Variants in ZDHHC2 observed in about 807,000 individuals in gnomAD.
ZDHHC2 encodes zDHHC palmitoyltransferase 2, also known as palmitoyltransferase ZDHHC2.
In ZDHHC2, 51 loss-of-function variants were observed where a neutral mutation model predicts 55.6. That is an observed-to-expected ratio of 0.92 (90% CI 0.73 to 1.16). ZDHHC2 has a LOEUF of 1.16. Ranked by LOEUF, ZDHHC2 falls within the 50% of genes most tolerant of loss-of-function variation. The pLI, the probability that ZDHHC2 is intolerant of heterozygous loss-of-function variation, is 0.00. For synonymous variants in ZDHHC2, 199 were observed against 152.9 expected (o/e 1.30, Z -2.22); for missense variants, 491 against 442.4 (o/e 1.11, Z -0.99).
At chr8:17,171,300 T>C (rs1249892033) in intron 1 of ZDHHC2, among the ~76,000 whole-genome samples, 2 of 152,212 alleles carry the variant, frequency 1.3e-5, no homozygotes, top group Non-Finnish European at 2.9e-5. Flanking sequence ...TAGGAGCCTC[T>C]TCTATTTTAA....
chr8:17,215,573 T>C (rs1807608849), intron 11 of ZDHHC2, among the ~76,000 whole-genome samples: 1 of 152,212 alleles, frequency 6.6e-6, no homozygotes, highest in South Asian at 2.1e-4. Flanking sequence ...TTGCCTTTTT[T>C]CTGTTTAAAG....
intron 1 of ZDHHC2, among the ~76,000 whole-genome samples, chr8:17,167,634 T>A (rs1181765678): frequency 6.6e-6 from 1 of 152,166 alleles, no homozygotes; most frequent in African/African-American, 2.4e-5. Flanking sequence ...CATATAACAA[T>A]AAAAAACCTT....
At position 17,222,542 on chromosome 8, in the gene ZDHHC2, T is replaced by C. The variant is rs998719479; in HGVS notation, c.*2321T>C. ...AGATTTTACTATATAGGAATCAAGA[T>C]TTAAGAAATTTTGCATTAAAAATAG... On this transcript the variant is annotated 3_prime_UTR_variant, in exon 13 of 13. Transcript: ENST00000262096. The C allele has an allele frequency of 4.6e-5, 7 of 151,902 alleles. No individual in the cohort carries two copies. 9.4% of individuals were successfully genotyped at this position (151,902 alleles called of 1,614,324 possible).
At chr8:17,219,936 T>C (rs1422765610) in intron 12 of ZDHHC2, among the ~76,000 whole-genome samples, 6 of 152,162 alleles carry the variant, frequency 3.9e-5, no homozygotes, top group Non-Finnish European at 7.3e-5. Flanking sequence ...GCCACTCACA[T>C]TGAAGCCCCA....
chr8:17,200,212 C>T (rs1469102530), intron 6 of ZDHHC2, among the ~76,000 whole-genome samples: 1 of 152,200 alleles, frequency 6.6e-6, no homozygotes, highest in Non-Finnish European at 1.5e-5. Context: ...ACCTGTGTTT[C>T]TTTTCTTCTC....
chr8:17,200,898 C>T (rs1276553548), intron 6 of ZDHHC2, among the ~76,000 whole-genome samples: 1 of 152,102 alleles, frequency 6.6e-6, no homozygotes, highest in Admixed American at 6.5e-5. Context: ...GTTCACTTCC[C>T]CATCACTTCC....
At chr8:17,178,850 CA>C (rs1805286646) in intron 1 of ZDHHC2, among the ~76,000 whole-genome samples, 2 of 152,192 alleles carry the variant, frequency 1.3e-5, no homozygotes, top group South Asian at 4.1e-4. Context: ...TCTTAAAAAA[CA>C]ATTAATGTTA....
At chr8:17,215,066 G>A (rs538129972) in intron 10 of ZDHHC2, among the ~76,000 whole-genome samples, 171 bp from the exon 11 acceptor site, 19 of 152,242 alleles carry the variant, frequency 1.2e-4, no homozygotes, top group South Asian at 1.0e-3. Context: ...TTTTCTCACC[G>A]CGAGTCAGTG....
intron 11 of ZDHHC2, among the ~76,000 whole-genome samples, chr8:17,215,692 A>C (rs1807613913): frequency 6.6e-6 from 1 of 152,204 alleles, no homozygotes. Flanking sequence ...ATAAATATCT[A>C]CTGAAAAGGA....
At chr8:17,180,270 G>C (rs1261499532) in intron 1 of ZDHHC2, among the ~76,000 whole-genome samples, 1 of 152,096 alleles carries the variant, frequency 6.6e-6, no homozygotes, top group Non-Finnish European at 1.5e-5. Context: ...CATCAAGATC[G>C]AAGTTTTAAC....
At position 17,156,629 on chromosome 8, in the gene ZDHHC2, A is replaced by T; in HGVS notation, c.-95A>T. 3.0e-6 allele frequency: 3 copies of T among 991,592 alleles called. 1 individual carries two copies. The African/African-American group carries it at 5.3e-5, about 18-fold the overall frequency. 61.4% of individuals were successfully genotyped at this position (991,592 alleles called of 1,614,324 possible). ...GCAGCGCACCCCGCCGCCGCCCAGG[A>T]GCCCGTCCAGCCAGGGGTGCCGGGC... On this transcript the variant is annotated 5_prime_UTR_variant, in exon 1 of 13. Transcript: ENST00000262096.
At chr8:17,202,041 T>C (rs910559548) in intron 6 of ZDHHC2, among the ~76,000 whole-genome samples, 1 of 152,196 alleles carries the variant, frequency 6.6e-6, no homozygotes, top group Non-Finnish European at 1.5e-5. Flanking sequence ...TTTTTTCCTT[T>C]AGTATAAGAT....
intron 5 of ZDHHC2, 111 bp from the exon 6 acceptor site, chr8:17,198,270 A>G (rs911501626): frequency 4.0e-6 from 4 of 989,098 alleles, no homozygotes; most frequent in Admixed American, 3.6e-5. Flanking sequence ...ATAATTTTGC[A>G]ATATTTTACT....
chr8:17,198,510 A>G (rs1806442097), intron 6 of ZDHHC2, 97 bp downstream of exon 6: 8 of 1,147,940 alleles, frequency 7.0e-6, no homozygotes, highest in Non-Finnish European at 9.5e-6. Flanking sequence ...ATGAAATATT[A>G]CTTGAGTTGA....
chr8:17,176,481 G>A (rs7832997), intron 1 of ZDHHC2, among the ~76,000 whole-genome samples: 1,566 of 151,806 alleles, frequency 0.01, 25 homozygotes, highest in African/African-American at 0.036. Flanking sequence ...AATACATCAC[G>A]GTAGGATTTA....
At chr8:17,207,360 A>G (rs752978813) in intron 7 of ZDHHC2, among the ~76,000 whole-genome samples, 3 of 152,200 alleles carry the variant, frequency 2.0e-5, no homozygotes, top group African/African-American at 4.8e-5. Context: ...GTTTCAGCCC[A>G]TGGATATTAA....
intron 1 of ZDHHC2, among the ~76,000 whole-genome samples, chr8:17,180,658 A>G (rs971953059): frequency 1.3e-5 from 2 of 152,212 alleles, no homozygotes; most frequent in Non-Finnish European, 2.9e-5. Flanking sequence ...AATTCTCGCT[A>G]CAGCCCTAAT....
At chr8:17,208,984 A>T (rs1472180758) in intron 8 of ZDHHC2, among the ~76,000 whole-genome samples, 2 of 152,032 alleles carry the variant, frequency 1.3e-5, no homozygotes, top group Admixed American at 6.6e-5. Context: ...ATAGTGCCTA[A>T]CTCTGCTGGT....
At chr8:17,197,793 C>T (rs1352721939) in intron 5 of ZDHHC2, 142 bp downstream of exon 5, 1 of 897,768 alleles carries the variant, frequency 1.1e-6, no homozygotes, top group Non-Finnish European at 1.7e-6. Context: ...GTTGGTATAA[C>T]CCGCTGGCAT....
Sources: gnomAD v4.1 joint callset for allele counts (sites outside exome capture counted in the v4.1 genomes callset) on GRCh38, gnomAD v4.1.1 for gene constraint, MANE v1.5 for transcripts, NCBI Gene and HGNC (gene_info 2026-07-23, HGNC 2026-07-21) for gene names.